The following SYNE2 variants were observed in gnomAD, a reference collection of about 807,000 sequenced individuals.
The protein encoded by SYNE2 is nesprin-2.
Under a neutral mutation model 856.3 loss-of-function variants are expected in SYNE2, and 431 were observed. That is an observed-to-expected ratio of 0.50 (90% CI 0.47 to 0.55). SYNE2 has a LOEUF of 0.55. Among genes scored for constraint, SYNE2 ranks in the 20% least tolerant of loss-of-function variants. SYNE2 has a pLI of 0.00. For synonymous variants in SYNE2, 2,923 were observed against 2,872.3 expected, an observed-to-expected ratio of 1.02 and a Z score of -0.56; for missense variants, 8,129 against 8,023.2, an observed-to-expected ratio of 1.01 and a Z score of -0.50.
At chr14:64,151,578 C>G (rs1265023496) in intron 84 of SYNE2, among the ~76,000 whole-genome samples, 1 of 145,916 alleles carries the variant, frequency 6.9e-6, no homozygotes, top group African/African-American at 2.6e-5. Flanking sequence ...ATAAAAAAAG[C>G]TGGGATCCTT....
At chr14:63,913,788 C>T (rs778639439) in intron 2 of SYNE2, among the ~76,000 whole-genome samples, 9 of 111,842 alleles carry the variant, frequency 8.0e-5, no homozygotes, top group South Asian at 2.9e-4. Flanking sequence ...AATGATTTTG[C>T]GATATGGAAA....
chr14:64,127,551 T>A (rs1354930628), intron 73 of SYNE2, among the ~76,000 whole-genome samples: 2 of 152,152 alleles, frequency 1.3e-5, no homozygotes, highest in Non-Finnish European at 1.5e-5. Context: ...GAGGCATTTG[T>A]TTTTGTTTTT....
intron 99 of SYNE2, among the ~76,000 whole-genome samples, chr14:64,196,183 C>T (rs1006077163): frequency 2.6e-5 from 4 of 152,140 alleles, no homozygotes; most frequent in East Asian, 1.9e-4. Flanking sequence ...TGGTATAGCA[C>T]GTGTTTGCTA....
intron 54 of SYNE2, 110 bp downstream of exon 54, chr14:64,076,210 C>A (rs1402905470): frequency 1.6e-6 from 2 of 1,233,146 alleles, no homozygotes; most frequent in Non-Finnish European, 2.3e-6. Flanking sequence ...GCTATAACTT[C>A]TTTTAAGAGT....
At chr14:63,910,304 G>A (rs1489573270) in intron 2 of SYNE2, among the ~76,000 whole-genome samples, 1 of 151,996 alleles carries the variant, frequency 6.6e-6, no homozygotes, top group Non-Finnish European at 1.5e-5. Context: ...GAGTGATTTG[G>A]CAAAATAAAA....
intron 1 of SYNE2, among the ~76,000 whole-genome samples, chr14:63,845,212 T>G (rs143098172): frequency 4.0e-4 from 61 of 152,166 alleles, no homozygotes; most frequent in African/African-American, 1.4e-3. Context: ...GGTCAGGAGT[T>G]CAAAACCAGC....
intron 10 of SYNE2, among the ~76,000 whole-genome samples, chr14:63,967,447 C>T (rs866583732): frequency 6.6e-6 from 1 of 152,124 alleles, no homozygotes; most frequent in Non-Finnish European, 1.5e-5. Context: ...TCCTGTAGCC[C>T]AGTGACCTTG....
chr14:64,024,058 T>C lies in SYNE2; in HGVS notation c.5638-199T>C, dbSNP rs992702263. Reference sequence around the variant, plus strand: ...TCCTGGTGGCTCTGTGTTACTTTGCTTGATGTAATTCCCAAGAAGTCAGAA... The same window carrying C: ...TCCTGGTGGCTCTGTGTTACTTTGCCTGATGTAATTCCCAAGAAGTCAGAA... On this transcript the variant is annotated intron_variant, in intron 38 of 115. Coordinates refer to ENST00000555002, the MANE Select transcript of SYNE2 (RefSeq NM_182914.3). 4 of 538,360 alleles carry C rather than the reference T, an allele frequency of 7.4e-6. No homozygotes were observed. The Admixed American group carries it at 1.1e-4, about 15-fold the overall frequency. 33.3% of individuals were successfully genotyped at this position (538,360 alleles called of 1,614,324 possible). A position where few individuals can be genotyped will look rare whatever the true frequency, so the allele number is the denominator to read the frequency against.
At chr14:64,155,332 T>C (rs1460939373) in intron 85 of SYNE2, among the ~76,000 whole-genome samples, 1 of 152,136 alleles carries the variant, frequency 6.6e-6, no homozygotes, top group Non-Finnish European at 1.5e-5. Context: ...GGAAACATTA[T>C]GGTGAGTGAA....
rs866909607 is a variant in SYNE2 at position 64,214,314 on chromosome 14, C to T, written c.19177C>T (p.Leu6393=). ...ESEEPSSPQS[L]CHLVAPGHER... The stretch of plus-strand genomic sequence containing the variant: ...CGAGGAACCGTCATCTCCTCAGTCC[C>T]TGTGTCATCTAGTGGCCCCAGGGCA... The change falls in exon 106 of 116, where the codon CTG becomes TTG. Residue 6393 remains leucine (L), a synonymous_variant. Transcript: ENST00000555002. 3.7e-6 allele frequency: 6 copies of T among 1,614,136 alleles called. No homozygotes were observed. The highest frequency in any genetic ancestry group is 5.1e-6 in the Non-Finnish European group (6 of 1,180,028).
At chr14:63,784,806 A>G (rs1036094586) in intron 1 of SYNE2, among the ~76,000 whole-genome samples, 9 of 151,950 alleles carry the variant, frequency 5.9e-5, no homozygotes, top group Admixed American at 2.0e-4. Flanking sequence ...CCTGTCTCCT[A>G]TAAAAATAAA....
rs764060611 is a variant in SYNE2, at chr14:64,020,006, C to T, written c.5064C>T (p.Val1688=). ...ACATGTTTTAGGAAGAATTACAAGTCCATGAACAAAAAACTTCAGAATTTT... is the reference window on the plus strand; with the variant it reads ...ACATGTTTTAGGAAGAATTACAAGTTCATGAACAAAAAACTTCAGAATTTT... ...DRERLKEELQ[V]HEQKTSEFSR... is the part of the protein sequence containing the mutation. Residue 1688 remains valine (V), a synonymous_variant, in exon 35 of 116, where the codon GTC becomes GTT. Coordinates refer to ENST00000555002, the MANE Select transcript of SYNE2 (RefSeq NM_182914.3). The T allele has an allele frequency of 1.9e-6, 3 of 1,611,156 alleles. 1 individual carries two copies. In the South Asian group the frequency reaches 3.3e-5, roughly 18 times the overall value.
chr14:63,795,605 T>C (rs1415033730), intron 1 of SYNE2, among the ~76,000 whole-genome samples: 1 of 152,098 alleles, frequency 6.6e-6, no homozygotes, highest in Non-Finnish European at 1.5e-5. Context: ...TTGCCCAGGG[T>C]GGTCTCAAAC....
intron 96 of SYNE2, among the ~76,000 whole-genome samples, chr14:64,183,927 G>A (rs1270876509): frequency 7.6e-6 from 1 of 131,950 alleles, no homozygotes; most frequent in East Asian, 2.7e-4. Flanking sequence ...GAGGGGGCTC[G>A]GCATCAGAGG....
chr14:64,027,727 C>T lies in SYNE2; in HGVS notation c.6648C>T (p.Pro2216=), dbSNP rs371313541. 2 of 1,613,980 alleles carry T rather than the reference C, an allele frequency of 1.2e-6. No homozygotes were observed. The highest frequency in any genetic ancestry group is 2.7e-5 in the African/African-American group (2 of 74,920). Residue 2216 remains proline, a synonymous_variant, in exon 43 of 116, where the codon CCC becomes CCT. Transcript: ENST00000555002. ...ACCTCTTGGAGTGCACTAAAAATCC[C>T]AGCTTCAGTGAAGAGCCTTGGCTGG... ...GNYLLECTKN[P]SFSEEPWLEI... is the part of the protein sequence containing the mutation.
intron 96 of SYNE2, among the ~76,000 whole-genome samples, chr14:64,185,153 G>A (rs2098482308): frequency 6.6e-6 from 1 of 152,204 alleles, no homozygotes; most frequent in African/African-American, 2.4e-5. Flanking sequence ...AGCTACTCTG[G>A]AGGCTGAAGC....
intron 113 of SYNE2, 46 bp from the exon 114 acceptor site, chr14:64,224,415 G>A (rs766410895): frequency 7.2e-6 from 11 of 1,537,984 alleles, no homozygotes; most frequent in Non-Finnish European, 9.0e-6. Flanking sequence ...TGAAGAATAT[G>A]CATGAAACAC....
intron 1 of SYNE2, among the ~76,000 whole-genome samples, chr14:63,884,161 A>G (rs1008774558): frequency 8.5e-5 from 13 of 152,196 alleles, no homozygotes; most frequent in Admixed American, 1.3e-4. Context: ...TGGAGAAAGC[A>G]GGCCCTGTGG....
intron 88 of SYNE2, chr14:64,162,896 T>A (rs12432334): frequency 0.031 from 5,748 of 187,598 alleles, 213 homozygotes; most frequent in East Asian, 0.12. Context: ...TACATCTGAT[T>A]AACTTCTACC....
Sources: allele counts gnomAD v4.1 joint callset (sites outside exome capture counted in the v4.1 genomes callset), GRCh38; gene constraint gnomAD v4.1.1; transcripts MANE v1.5; gene names NCBI Gene and HGNC (gene_info 2026-07-23, HGNC 2026-07-21).